The following ADAMTS17 variants were observed in gnomAD, a reference collection of about 807,000 sequenced individuals.
The protein encoded by ADAMTS17 is A disintegrin and metalloproteinase with thrombospondin motifs 17.
ADAMTS17 carries 113 observed loss-of-function variants against 141.5 expected under a neutral mutation model. The observed-to-expected ratio is 0.80, with a 90% CI of 0.69 to 0.93. ADAMTS17 has a LOEUF of 0.93. ADAMTS17 is among the 40% of genes least tolerant of loss of function. The probability of loss-of-function intolerance (pLI) is 0.00; values close to 1 mark genes in which losing one functional copy is unlikely to be tolerated. For missense variants in ADAMTS17, 1,659 were observed against 1,517.9 expected, an observed-to-expected ratio of 1.09 and a Z score of -1.54; for synonymous variants, 768 against 630.6, an observed-to-expected ratio of 1.22 and a Z score of -3.27.
At chr15:100,120,858 C>T (rs574607873) in intron 12 of ADAMTS17, among the ~76,000 whole-genome samples, 2 of 152,298 alleles carry the variant, frequency 1.3e-5, no homozygotes, top group Admixed American at 1.3e-4. Context: ...TTCAAAAGAA[C>T]AAAATGTATT....
At chr15:100,264,360 A>G (rs2043636598) in intron 4 of ADAMTS17, among the ~76,000 whole-genome samples, 1 of 152,212 alleles carries the variant, frequency 6.6e-6, no homozygotes, top group Non-Finnish European at 1.5e-5. Context: ...AATTGGATCT[A>G]AACTGGTAAA....
Position 100,242,862 on chromosome 15 carries a change from G to A in ADAMTS17, c.1075+11274C>T, listed in dbSNP as rs149906219. On this transcript the variant is annotated intron_variant, in intron 7 of 21. Transcript: ENST00000268070. ...AAATGTACCATTTTACCTATTTTAA[G>A]TGTACGGTTCCGTGGCATTAAGTAC... 9.7e-3 allele frequency among the ~76,000 whole-genome samples: 1,478 copies of A among 152,292 alleles called. 23 individuals are homozygous for A. Among genetic ancestry groups the A allele is most frequent in the African/African-American group, 0.03 (1,237 of 41,552 alleles).
chr15:100,158,312 G>A (rs1334951266), intron 8 of ADAMTS17, among the ~76,000 whole-genome samples: 1 of 152,032 alleles, frequency 6.6e-6, no homozygotes, highest in Admixed American at 6.5e-5. Context: ...TCTCCATTCA[G>A]CTTTAAAAAA....
Position 99,976,154 on chromosome 15 carries a change from G to A in ADAMTS17, c.3018C>T (p.Arg1006=). The change falls in exon 21 of 22, where the codon CGC becomes CGT. Residue 1006 remains arginine (R), a synonymous_variant. Transcript: ENST00000268070. ...AGAGGGCGGGGCACTCGCTGCCGTG[G>A]CGCCCTGTGACCTTGTGCATGCACT... The part of the protein sequence containing the change: ...VVQCMHKVTG[R]HGSECPALSK... 6.4e-7 allele frequency: 1 copy of A among 1,550,750 alleles called. No individual in the cohort carries two copies. The highest frequency in any genetic ancestry group is 8.7e-7 in the Non-Finnish European group (1 of 1,146,984).
chr15:100,020,194 G>C (rs2061377217), intron 18 of ADAMTS17, among the ~76,000 whole-genome samples: 1 of 152,166 alleles, frequency 6.6e-6, no homozygotes, highest in African/African-American at 2.4e-5. Flanking sequence ...TATTCAATGT[G>C]AAAACACACA....
At chr15:100,001,799 C>T (rs1233647827) in intron 18 of ADAMTS17, among the ~76,000 whole-genome samples, 1 of 151,660 alleles carries the variant, frequency 6.6e-6, no homozygotes, top group Non-Finnish European at 1.5e-5. Context: ...GGTGAAACCC[C>T]ATCTCTACTA....
In ADAMTS17 at chr15:100,330,045, G is replaced by A. The variant is rs545590710; in HGVS notation, c.616+844C>T. Among the ~76,000 whole-genome samples the A allele has an allele frequency of 3.3e-5, 5 of 152,276 alleles. 1 individual carries two copies. The South Asian group carries it at 1.0e-3, about 32-fold the overall frequency. The stretch of plus-strand genomic sequence containing the variant: ...CAGCAGTGGGGTCCCACGATCTCCT[G>A]GGAGGAAATGCCACCTGTGCTCCAA... On this transcript the variant is annotated intron_variant, in intron 3 of 21. Coordinates refer to ENST00000268070, the MANE Select transcript of ADAMTS17 (RefSeq NM_139057.4).
chr15:100,264,076 T>G (rs2043625977), intron 4 of ADAMTS17, among the ~76,000 whole-genome samples: 1 of 152,274 alleles, frequency 6.6e-6, no homozygotes, highest in South Asian at 2.1e-4. Context: ...TATCTTTGTG[T>G]GACGTAATAT....
chr15:100,049,892 A>T (rs1409380727), intron 17 of ADAMTS17, among the ~76,000 whole-genome samples: 3 of 152,192 alleles, frequency 2.0e-5, no homozygotes, highest in African/African-American at 7.2e-5. Flanking sequence ...ATAAACAAAT[A>T]TATATGGTGT....
At chr15:100,128,445 C>T (rs950985575) in intron 12 of ADAMTS17, 8 of 152,132 alleles carry the variant, frequency 5.3e-5, no homozygotes, top group African/African-American at 1.9e-4. Context: ...AGAGATTGGA[C>T]GTGAAGATGC....
intron 8 of ADAMTS17, among the ~76,000 whole-genome samples, chr15:100,185,765 T>G (rs180915058): frequency 3.3e-5 from 5 of 152,280 alleles, no homozygotes; most frequent in African/African-American, 1.2e-4. Context: ...ACTCAGTCCT[T>G]CCAGCCGTTT....
chr15:100,072,417 C>A (rs1394114850), intron 15 of ADAMTS17, among the ~76,000 whole-genome samples: 22 of 146,744 alleles, frequency 1.5e-4, no homozygotes, highest in East Asian at 1.0e-3. Flanking sequence ...TTTAAAGTTC[C>A]TATGGAACCA....
chr15:100,008,101 T>A (rs1216809030), intron 18 of ADAMTS17, among the ~76,000 whole-genome samples: 1 of 151,760 alleles, frequency 6.6e-6, no homozygotes, highest in Non-Finnish European at 1.5e-5. Context: ...GAAGCAGGGA[T>A]GGATGGGTGA....
chr15:100,266,793 G>A (rs1451947460), intron 4 of ADAMTS17, among the ~76,000 whole-genome samples: 1 of 152,142 alleles, frequency 6.6e-6, no homozygotes, highest in Non-Finnish European at 1.5e-5. Flanking sequence ...GTTCTCTGCA[G>A]GGCACTTACC....
intron 15 of ADAMTS17, among the ~76,000 whole-genome samples, chr15:100,077,461 C>CAAAAAAAAAAAAAAAA (rs61464362): frequency 7.2e-6 from 1 of 139,334 alleles, no homozygotes; most frequent in African/African-American, 2.7e-5. Context: ...GACTCCCTCT[C>CAAAAAAAAAAAAAAAA]AAAAAAAAAA....
chr15:100,272,656 A>T lies in ADAMTS17; in HGVS notation c.789+8573T>A, dbSNP rs183466314. Among the ~76,000 whole-genome samples, 502 of 149,558 alleles carry T rather than the reference A, an allele frequency of 3.4e-3. 3 individuals are homozygous for T. Among genetic ancestry groups the T allele is most frequent in the Non-Finnish European group, 6.1e-3 (414 of 67,554 alleles). On this transcript the variant is annotated intron_variant, in intron 4 of 21. Transcript: ENST00000268070. ...ATCTGTGAACAGAGATCATTTTACTACTTCTTTTCTTATTTGGAGGCCTTC... is the reference window on the plus strand; with the variant it reads ...ATCTGTGAACAGAGATCATTTTACTTCTTCTTTTCTTATTTGGAGGCCTTC...
At chr15:100,085,662 A>G (rs2035052328) in intron 15 of ADAMTS17, among the ~76,000 whole-genome samples, 2 of 151,878 alleles carry the variant, frequency 1.3e-5, no homozygotes, top group South Asian at 2.1e-4. Context: ...CAGAAACTCT[A>G]TAAGCCAGAA....
chr15:100,067,838 C>A (rs1275060307), intron 15 of ADAMTS17, among the ~76,000 whole-genome samples: 1 of 152,098 alleles, frequency 6.6e-6, no homozygotes, highest in African/African-American at 2.4e-5. Context: ...ACACAGAAGA[C>A]AGGTGATTTC....
At chr15:100,330,434 T>A (rs2046015456) in intron 3 of ADAMTS17, among the ~76,000 whole-genome samples, 1 of 152,222 alleles carries the variant, frequency 6.6e-6, no homozygotes, top group Non-Finnish European at 1.5e-5. Flanking sequence ...CACGTGATGC[T>A]GATGCTGCTG....
Sources: gnomAD v4.1 joint callset for allele counts (sites outside exome capture counted in the v4.1 genomes callset) on GRCh38, gnomAD v4.1.1 for gene constraint, MANE v1.5 for transcripts, NCBI Gene and HGNC (gene_info 2026-07-23, HGNC 2026-07-21) for gene names.